FRMD4A: variants seen among roughly 807,000 people sequenced by gnomAD.
FRMD4A encodes the protein FERM domain containing 4A.
Under a neutral mutation model 129.1 loss-of-function variants are expected in FRMD4A, and 29 were observed. That is an observed-to-expected ratio of 0.22 (90% confidence interval 0.17 to 0.31). FRMD4A has a LOEUF of 0.31. Among genes scored for constraint, FRMD4A ranks in the 10% least tolerant of loss-of-function variants. The probability of loss-of-function intolerance (pLI) is 1.00; values close to 1 mark genes in which losing one functional copy is unlikely to be tolerated. For synonymous variants in FRMD4A, 634 were observed against 571.6 expected (o/e 1.11, Z -1.56); for missense variants, 1,272 against 1,375.8 (o/e 0.92, Z 1.19).
chr10:14,180,625 G>C (rs1036850227), intron 2 of FRMD4A, among the ~76,000 whole-genome samples: 6 of 152,196 alleles, frequency 3.9e-5, no homozygotes, highest in Admixed American at 6.5e-5. Context: ...GCCTATTACT[G>C]TGTGGCACCA....
chr10:13,902,341 G>A (rs1222500297), intron 2 of FRMD4A, among the ~76,000 whole-genome samples: 2 of 151,884 alleles, frequency 1.3e-5, no homozygotes, highest in Non-Finnish European at 1.5e-5. Flanking sequence ...GATGGGATTG[G>A]GTACAAAAGG....
intron 2 of FRMD4A, among the ~76,000 whole-genome samples, chr10:14,014,336 A>T (rs2457840): frequency 0.15 from 23,162 of 152,168 alleles, 2,226 homozygotes; most frequent in African/African-American, 0.28. Flanking sequence ...ACAAAATATC[A>T]CACGCCCCCC....
chr10:13,922,126 G>C (rs1034339917), intron 2 of FRMD4A, among the ~76,000 whole-genome samples: 4 of 152,190 alleles, frequency 2.6e-5, no homozygotes, highest in Non-Finnish European at 5.9e-5. Context: ...CCCTCATCAG[G>C]AATGGAATCT....
chr10:14,135,676 A>G (rs1218397863), intron 2 of FRMD4A, among the ~76,000 whole-genome samples: 3 of 152,246 alleles, frequency 2.0e-5, no homozygotes, highest in Non-Finnish European at 4.4e-5. Context: ...AACATATATG[A>G]CTATGAAGAT....
intron 2 of FRMD4A, among the ~76,000 whole-genome samples, chr10:14,080,547 A>T (rs553978952): frequency 2.0e-5 from 3 of 152,124 alleles, no homozygotes; most frequent in Middle Eastern, 3.4e-3. Flanking sequence ...AGCCAAGATG[A>T]TTGAGCCTCT....
intron 2 of FRMD4A, chr10:14,327,132 G>A (rs1299664800): frequency 5.0e-6 from 2 of 396,550 alleles, no homozygotes; most frequent in Non-Finnish European, 8.9e-6. Flanking sequence ...AGGCCTCTGA[G>A]ACACTGTTCA....
At chr10:13,968,909 C>T (rs1000309602) in intron 2 of FRMD4A, among the ~76,000 whole-genome samples, 2 of 152,148 alleles carry the variant, frequency 1.3e-5, no homozygotes, top group Non-Finnish European at 2.9e-5. Context: ...TTTCTCAAAT[C>T]CTCTATTTGT....
At chr10:13,693,708 C>T in intron 15 of FRMD4A, 190 bp downstream of exon 15, 1 of 716,242 alleles carries the variant, frequency 1.4e-6, no homozygotes, top group Non-Finnish European at 2.4e-6. Context: ...TTTTCCCTTC[C>T]ACTATTTGAT....
At chr10:13,814,820 C>T (rs918039307) in intron 3 of FRMD4A, among the ~76,000 whole-genome samples, 4 of 152,014 alleles carry the variant, frequency 2.6e-5, no homozygotes, top group African/African-American at 9.7e-5. Flanking sequence ...ATGTTCATCA[C>T]TCCATAGAAT....
chr10:13,923,614 G>A (rs72774643), intron 2 of FRMD4A, among the ~76,000 whole-genome samples: 15,868 of 152,160 alleles, frequency 0.1, 1,124 homozygotes, highest in Non-Finnish European at 0.13. Flanking sequence ...TTTTTTTAAA[G>A]AACAGCTATA....
chr10:13,825,002 C>A (rs7899057), intron 3 of FRMD4A, among the ~76,000 whole-genome samples: 1 of 151,678 alleles, frequency 6.6e-6, no homozygotes, highest in Admixed American at 6.6e-5. Flanking sequence ...TCATTTTTCC[C>A]TCATTCCTGG....
chr10:13,713,210 A>G lies in FRMD4A; in HGVS notation c.760-6097T>C, dbSNP rs900782268. Among the ~76,000 whole-genome samples the G allele has an allele frequency of 1.3e-3, 196 of 152,194 alleles. 1 individual carries two copies. Among genetic ancestry groups the G allele is most frequent in the African/African-American group, 4.5e-3 (186 of 41,448 alleles). On this transcript the variant is annotated intron_variant, in intron 12 of 24. Transcript: ENST00000357447. ...GCTATTACACAGAATCACAGCAGCCATCTGGTCCACCTCCTCCTTGCACAG... is the reference window on the plus strand; with the variant it reads ...GCTATTACACAGAATCACAGCAGCCGTCTGGTCCACCTCCTCCTTGCACAG...
intron 6 of FRMD4A, among the ~76,000 whole-genome samples, chr10:13,769,371 C>G (rs760893179): frequency 2.0e-5 from 3 of 151,912 alleles, no homozygotes; most frequent in East Asian, 3.9e-4. Context: ...TGCAGTGACA[C>G]CATCTCGGCT....
At chr10:13,760,042 C>T (rs527707257) in intron 8 of FRMD4A, among the ~76,000 whole-genome samples, 24 of 151,762 alleles carry the variant, frequency 1.6e-4, no homozygotes, top group Non-Finnish European at 2.5e-4. Context: ...AAAAAGAAAC[C>T]AAAAGAAGAA....
intron 2 of FRMD4A, among the ~76,000 whole-genome samples, chr10:13,902,474 A>AGAGAGAGAGG (rs1409485971): frequency 1.3e-5 from 2 of 151,556 alleles, no homozygotes; most frequent in Non-Finnish European, 2.9e-5. Flanking sequence ...AGAGAGAGAG[A>AGAGAGAGAGG]GAGAGAGAGA....
intron 2 of FRMD4A, among the ~76,000 whole-genome samples, chr10:13,960,539 T>C (rs1017264161): frequency 6.6e-6 from 1 of 152,212 alleles, no homozygotes; most frequent in Non-Finnish European, 1.5e-5. Context: ...ATGTGGCAAA[T>C]AAGGCTATTG....
chr10:14,092,508 C>A (rs1260682069), intron 2 of FRMD4A, among the ~76,000 whole-genome samples: 1 of 152,216 alleles, frequency 6.6e-6, no homozygotes, highest in African/African-American at 2.4e-5. Flanking sequence ...TAGCTGTAAT[C>A]CCTCTGATGT....
chr10:13,782,965 G>T lies in FRMD4A; in HGVS notation c.341C>A (p.Thr114Asn). Residue 114 changes from threonine (T) to asparagine (N), a missense_variant, in exon 6 of 25, where the codon ACC becomes AAC. This residue lies in a region of FRMD4A where 300 missense variants were observed against 483.6 expected (regional missense o/e 0.62). Transcript: ENST00000357447. ...ESISYLKDNA[T>N]IELFFLNAKS... ...CGCGTTCAGAAAGAAAAGCTCAATG[G>T]TAGCATTATCCTTCAGGTATGAAAT... The T allele has an allele frequency of 6.6e-7, 1 of 1,515,428 alleles. No individual in the cohort carries two copies. The highest frequency in any genetic ancestry group is 9.2e-7 in the Non-Finnish European group (1 of 1,089,838). 93.9% of individuals were successfully genotyped at this position (1,515,428 alleles called of 1,614,324 possible).
chr10:14,129,409 A>ATATATATATATATATAT lies in FRMD4A; in HGVS notation c.45+200648_45+200649insATATATATATATATATA, dbSNP rs58579085. ...ATATATATATATATATATATATATA[A>ATATATATATATATATAT]AAAATATGAGCTGTAGAACATACTT... is the stretch of plus-strand genomic sequence containing the variant. On this transcript the variant is annotated intron_variant, in intron 2 of 24. Transcript: ENST00000357447. 7.5e-5 allele frequency among the ~76,000 whole-genome samples: 7 copies of ATATATATATATATATAT among 93,506 alleles called. 1 individual carries two copies. The highest frequency in any genetic ancestry group is 3.2e-4 in the East Asian group (1 of 3,166). The allele number at this position is 93,506 out of a possible 152,430, so 61.3% of individuals were successfully genotyped here.
Sources: allele counts gnomAD v4.1 joint callset (sites outside exome capture counted in the v4.1 genomes callset), GRCh38; gene constraint gnomAD v4.1.1; regional missense constraint gnomAD v4.1.1; transcripts MANE v1.5; gene names NCBI Gene and HGNC (gene_info 2026-07-23, HGNC 2026-07-21).